The following PRRC2A variants were observed in gnomAD, a reference collection of about 807,000 sequenced individuals.
PRRC2A encodes the protein proline rich coiled-coil 2A.
Under a neutral mutation model 224.6 loss-of-function variants are expected in PRRC2A, and 59 were observed. The observed-to-expected ratio is 0.26, with a 90% CI of 0.21 to 0.33. The LOEUF (loss-of-function observed/expected upper bound fraction) is 0.33, where lower values mean the gene tolerates loss of function less well. PRRC2A is among the 10% of genes least tolerant of loss of function. The pLI is 1.00. For synonymous variants in PRRC2A, 1,194 were observed against 1,109.5 expected (o/e 1.08, Z -1.51); for missense variants, 3,095 against 2,880.7 (o/e 1.07, Z -1.70).
Position 31,636,616 on chromosome 6 carries a change from G to T in PRRC2A, c.5934+8G>T, listed in dbSNP as rs756478645. Reference sequence around the variant, plus strand: ...GGGGCTCCTGCCCAGCAGGTATATTGTATCTTCACACTTCCCCTTCATTTG... The same window carrying T: ...GGGGCTCCTGCCCAGCAGGTATATTTTATCTTCACACTTCCCCTTCATTTG... On this transcript the variant is annotated splice_region_variant and intron_variant, in intron 27 of 30. Transcript: ENST00000376033. This position sits in a 1 kb window ranked among gnomAD's most constrained non-coding sequence, Gnocchi z 4.3. 8 of 1,594,764 alleles carry T rather than the reference G, an allele frequency of 5.0e-6. No homozygotes were observed. The highest frequency in any genetic ancestry group is 6.8e-6 in the Non-Finnish European group (8 of 1,168,862).
rs1202719002 is a variant in PRRC2A at position 31,627,196 on chromosome 6, C to T, written c.1288C>T (p.Pro430Ser). 1 of 1,590,774 alleles carries T rather than the reference C, an allele frequency of 6.3e-7. No homozygotes were observed. Among genetic ancestry groups the T allele is most frequent in the Admixed American group, 1.7e-5 (1 of 59,364 alleles). ...GAACTGGGGCCCCCCTGGGGACTAC[C>T]CAGTGAGTGTCTCCAATAAGGGATT... ...AGNWGPPGDY[P>S]DRGGPPCKPP... is the part of the protein sequence containing the mutation. The change falls in exon 11 of 31, where the codon CCA becomes TCA. Residue 430 changes from proline to serine, a missense_variant and splice_region_variant. By Grantham distance (74) the Pro-to-Ser change is moderately conservative. Around this residue, in one of 8 missense-constraint regions of PRRC2A, gnomAD observed 2,001 missense variants for 1,764.9 expected, o/e 1.13. Transcript: ENST00000376033. The surrounding 1 kb of genome is among the most constrained non-coding windows in gnomAD (Gnocchi z 5.6).
chr6:31,635,029 CCCTA>C (rs1777156942), intron 21 of PRRC2A, 52 bp downstream of exon 21: 2 of 1,600,246 alleles, frequency 1.2e-6, no homozygotes, highest in Non-Finnish European at 1.7e-6. Flanking sequence ...CTGACTTTGG[CCCTA>C]CCTTTTTCTG....
At position 31,624,265 on chromosome 6, in the gene PRRC2A, G is replaced by A. The variant is rs780264448; in HGVS notation, c.295G>A (p.Asp99Asn). The A allele has an allele frequency of 4.5e-5, 73 of 1,613,270 alleles. No homozygotes were observed. Among genetic ancestry groups the A allele is most frequent in the East Asian group, 2.2e-5 (1 of 44,898 alleles). The change falls in exon 4 of 31, where the codon GAT becomes AAT. Residue 99 changes from aspartate (D) to asparagine (N), a missense_variant. Asp to Asn is a conservative substitution (Grantham distance 23). Coordinates refer to ENST00000376033, the MANE Select transcript of PRRC2A (RefSeq NM_004638.4). ...CTTCCCATTCTGTCCCCTCAGTTCC[G>A]ATGCCTCAACCGCTCAGCCGCCGGA... ...KQEQSDPKSSDASTAQPPESQ... is the reference protein window; with the variant it reads ...KQEQSDPKSSNASTAQPPESQ...
chr6:31,621,308 C>T (rs952665468), intron 1 of PRRC2A, among the ~76,000 whole-genome samples: 2 of 152,232 alleles, frequency 1.3e-5, no homozygotes, highest in East Asian at 1.9e-4. Flanking sequence ...CTCTGGACGC[C>T]CCTCTTCGTG....
Position 31,633,522 on chromosome 6 carries a change from G to C in PRRC2A, c.4463G>C (p.Gly1488Ala), listed in dbSNP as rs1253063701. Reference protein sequence around the residue: ...QALAQLSSRQGSVTAPGGHPR... With the variant: ...QALAQLSSRQASVTAPGGHPR... ...CTGGCCCAGCTTAGTAGCCGTCAAG[G>C]GAGTGTAACTGCACCAGGGGGTCAT... The change falls in exon 17 of 31, where the codon GGG becomes GCG. Residue 1488 changes from glycine (G) to alanine (A), a missense_variant. Gly to Ala is a moderately conservative substitution (Grantham distance 60). Coordinates refer to ENST00000376033, the MANE Select transcript of PRRC2A (RefSeq NM_004638.4). 5.0e-6 allele frequency: 8 copies of C among 1,612,990 alleles called. No individual in the cohort carries two copies. The highest frequency in any genetic ancestry group is 6.8e-6 in the Non-Finnish European group (8 of 1,180,046).
chr6:31,625,297 C>T lies in PRRC2A; in HGVS notation c.590C>T (p.Pro197Leu), dbSNP rs773374630. 4 of 1,613,562 alleles carry T rather than the reference C, an allele frequency of 2.5e-6. No individual in the cohort carries two copies. The highest frequency in any genetic ancestry group is 3.4e-6 in the Non-Finnish European group (4 of 1,180,038). ...GCCGAACAGTCGTCTGGGCCCGGAC[C>T]AAGCCTCCGCCCCCAAAGTGAGTGG... ...ESAEQSSGPG[P>L]SLRPQNSTTW... The change falls in exon 6 of 31, where the codon CCA becomes CTA. Residue 197 changes from proline (P) to leucine (L), a missense_variant. By Grantham distance (98) the Pro-to-Leu change is moderately conservative. This residue lies in a region of PRRC2A where 287 missense variants were observed against 275.3 expected (regional missense o/e 1.04). Transcript: ENST00000376033. This position sits in a 1 kb window ranked among gnomAD's most constrained non-coding sequence, Gnocchi z 4.1.
chr6:31,632,444 C>G lies in PRRC2A; in HGVS notation c.3771C>G (p.Phe1257Leu), dbSNP rs770961936. The change falls in exon 16 of 31, where the codon TTC becomes TTG. Residue 1257 changes from phenylalanine (F) to leucine (L), a missense_variant. Phe to Leu is a conservative substitution (Grantham distance 22). This residue lies in a region of PRRC2A where 2,001 missense variants were observed against 1,764.9 expected (regional missense o/e 1.13). Coordinates refer to ENST00000376033, the MANE Select transcript of PRRC2A (RefSeq NM_004638.4). ...RAQQQDKPPR[F>L]RRLKQERENA... ...AGCAGCAGGATAAACCGCCTCGTTT[C>G]CGGAGGCTGAAGCAGGAACGGGAGA... 1.2e-6 allele frequency: 2 copies of G among 1,604,988 alleles called. No homozygotes were observed. Among genetic ancestry groups the G allele is most frequent in the Admixed American group, 3.4e-5 (2 of 59,454 alleles).
rs759630523 is a variant in PRRC2A at position 31,626,057 on chromosome 6, C to T, written c.877C>T (p.Pro293Ser). 6.2e-7 allele frequency: 1 copy of T among 1,611,054 alleles called. No homozygotes were observed. Among genetic ancestry groups the T allele is most frequent in the Non-Finnish European group, 8.5e-7 (1 of 1,179,632 alleles). ...TGTGGCGGGCCCCCGAGGCTCAGGG[C>T]CACCAATGCGCTTAGTAGAGCCTGT... ...PRVAGPRGSG[P>S]PMRLVEPVGR... Residue 293 changes from proline to serine, a missense_variant, in exon 9 of 31, where the codon CCA becomes TCA. Pro to Ser is a moderately conservative substitution (Grantham distance 74). Around this residue, in one of 8 missense-constraint regions of PRRC2A, gnomAD observed 287 missense variants for 275.3 expected, o/e 1.04. Transcript: ENST00000376033.
chr6:31,633,273 C>CT, intron 16 of PRRC2A, 106 bp from the exon 17 acceptor site: 1 of 1,487,754 alleles, frequency 6.7e-7, no homozygotes. Flanking sequence ...AACACCTGGA[C>CT]TTTAATAGGG....
In PRRC2A at chr6:31,633,878, G is replaced by A. The variant is rs376000478; in HGVS notation, c.4608G>A (p.Pro1536=). Residue 1536 remains proline (P), a synonymous_variant, in exon 18 of 31, where the codon CCG becomes CCA. Transcript: ENST00000376033. ...TCCCAGACCCCCACTTTGAGGAGCC[G>A]GGGCCAATGGTGAGAGGGGTGGGTG... ...GLSSDPHFEE[P]GPMVRGVGGT... 2.0e-5 allele frequency: 32 copies of A among 1,579,118 alleles called. No homozygotes were observed. Among genetic ancestry groups the A allele is most frequent in the South Asian group, 8.2e-5 (7 of 85,358 alleles).
rs1776071053 is a variant in PRRC2A, at chr6:31,627,712, A to G, written c.1291-53A>G. On this transcript the variant is annotated intron_variant, in intron 11 of 30. Transcript: ENST00000376033. The surrounding 1 kb of genome is among the most constrained non-coding windows in gnomAD (Gnocchi z 5.6). ...GTTGATTTGTTGTAAAAGAGATGAT[A>G]GAAAGCATAGTAACTGATTCCCCTG... The G allele has an allele frequency of 6.3e-7, 1 of 1,585,944 alleles. No homozygotes were observed. Among genetic ancestry groups the G allele is most frequent in the African/African-American group, 1.4e-5 (1 of 73,900 alleles).
intron 20 of PRRC2A, 97 bp from the exon 21 acceptor site, chr6:31,634,656 T>G: frequency 1.3e-6 from 2 of 1,571,902 alleles, no homozygotes; most frequent in South Asian, 2.2e-5. Context: ...GTTCTCTCAC[T>G]TGGCTGTCCC....
chr6:31,633,325 T>C (rs1484908696), intron 16 of PRRC2A, 54 bp from the exon 17 acceptor site: 23 of 1,568,992 alleles, frequency 1.5e-5, no homozygotes, highest in Non-Finnish European at 2.0e-5. Context: ...ACATAACTTG[T>C]GGGAAAAAGT....
In PRRC2A at chr6:31,629,777, A is replaced by C; in HGVS notation, c.2186A>C (p.Tyr729Ser). 1 of 1,613,176 alleles carries C rather than the reference A, an allele frequency of 6.2e-7. No homozygotes were observed. The highest frequency in any genetic ancestry group is 8.5e-7 in the Non-Finnish European group (1 of 1,179,708). ...CCCCGATGGATGATGATTCCTCCTT[A>C]TGTGGACCCCCGGCTCCTCCAGGGT... ...FDPRWMMIPP[Y>S]VDPRLLQGRP... is the part of the protein sequence containing the mutation. Residue 729 changes from tyrosine (Y) to serine (S), a missense_variant, in exon 14 of 31, where the codon TAT becomes TCT. This residue lies in a region of PRRC2A where 2,001 missense variants were observed against 1,764.9 expected (regional missense o/e 1.13). Coordinates refer to ENST00000376033, the MANE Select transcript of PRRC2A (RefSeq NM_004638.4).
intron 5 of PRRC2A, chr6:31,624,958 C>T (rs1400143344): frequency 1.7e-6 from 1 of 596,802 alleles, no homozygotes; most frequent in Non-Finnish European, 2.9e-6. Flanking sequence ...CCAACACACC[C>T]AGCTAATTTT....
intron 4 of PRRC2A, 23 bp from the exon 5 acceptor site, chr6:31,624,424 TATC>T: frequency 4.3e-6 from 7 of 1,610,596 alleles, no homozygotes; most frequent in Non-Finnish European, 5.9e-6. Context: ...CCACATCATT[TATC>T]ATCTTTCTGA....
chr6:31,633,735 G>T, intron 17 of PRRC2A, 88 bp downstream of exon 17: 1 of 1,535,040 alleles, frequency 6.5e-7, no homozygotes, highest in Non-Finnish European at 8.7e-7. Context: ...CTGGCCTAGG[G>T]ACCCTGCTGC....
Position 31,633,951 on chromosome 6 carries a change from C to T in PRRC2A, c.4681C>T (p.Arg1561Trp), listed in dbSNP as rs1179213640. ...AGVSPFPPKR[R>W]ERPPRKPELL... ...GGTTAGTCCCTTTCCCCCTAAACGT[C>T]GGGAGCGGCCTCCCAGAAAACCAGA... The change falls in exon 18 of 31, where the codon CGG becomes TGG. Residue 1561 changes from arginine to tryptophan, a missense_variant. Arg to Trp is a moderately radical substitution (Grantham distance 101). Coordinates refer to ENST00000376033, the MANE Select transcript of PRRC2A (RefSeq NM_004638.4). 3.1e-6 allele frequency: 5 copies of T among 1,601,616 alleles called. No individual in the cohort carries two copies. Among genetic ancestry groups the T allele is most frequent in the South Asian group, 2.2e-5 (2 of 89,272 alleles).
chr6:31,623,004 A>G (rs1775468301), intron 2 of PRRC2A, 103 bp downstream of exon 2: 2 of 1,027,026 alleles, frequency 1.9e-6, no homozygotes, highest in Non-Finnish European at 3.1e-6. Flanking sequence ...AGAAATACCA[A>G]AAGACTAGAG....
Sources: allele counts gnomAD v4.1 joint callset (sites outside exome capture counted in the v4.1 genomes callset), GRCh38; gene constraint gnomAD v4.1.1; regional missense constraint gnomAD v4.1.1; non-coding constraint Gnocchi (gnomAD v3.1); transcripts MANE v1.5; gene names NCBI Gene and HGNC (gene_info 2026-07-23, HGNC 2026-07-21).